Variants in MELK observed in about 807,000 individuals in gnomAD.
The protein encoded by MELK is maternal embryonic leucine zipper kinase, also known as pEg3 kinase.
In MELK, 81 loss-of-function variants were observed where a neutral mutation model predicts 85.0. The observed-to-expected ratio is 0.95, with a 90% CI of 0.80 to 1.15. The LOEUF is 1.15. Among genes scored for constraint, MELK ranks in the 50% most tolerant of loss-of-function variants. The pLI is 0.00. For missense variants in MELK, 754 were observed against 777.5 expected (o/e 0.97, Z 0.36); for synonymous variants, 252 against 265.0 (o/e 0.95, Z 0.48).
intron 17 of MELK, 25 bp from the exon 18 acceptor site, chr9:36,677,135 T>G: frequency 1.9e-6 from 3 of 1,602,028 alleles, no homozygotes; most frequent in Non-Finnish European, 2.6e-6. Flanking sequence ...TCCTACTAAC[T>G]AGCTTCTTAT....
At chr9:36,635,509 CT>C (rs1258955084) in intron 10 of MELK, among the ~76,000 whole-genome samples, 1 of 152,080 alleles carries the variant, frequency 6.6e-6, no homozygotes, top group African/African-American at 2.4e-5. Context: ...GGTGGTCCGC[CT>C]GCCTTGGCCT....
At chr9:36,630,590 A>G (rs1462938099) in intron 9 of MELK, among the ~76,000 whole-genome samples, 1 of 152,054 alleles carries the variant, frequency 6.6e-6, no homozygotes, top group Non-Finnish European at 1.5e-5. Flanking sequence ...TACTTTGCGA[A>G]TTTTCTGTTT....
intron 8 of MELK, among the ~76,000 whole-genome samples, chr9:36,619,829 C>T (rs1196693979): frequency 6.6e-6 from 1 of 152,180 alleles, no homozygotes; most frequent in Non-Finnish European, 1.5e-5. Context: ...TTCTCTACTT[C>T]CTTGTTTCCC....
At chr9:36,629,327 A>G (rs1339929187) in intron 8 of MELK, among the ~76,000 whole-genome samples, 1 of 152,172 alleles carries the variant, frequency 6.6e-6, no homozygotes, top group Non-Finnish European at 1.5e-5. Flanking sequence ...CTGAATTGGG[A>G]AAGAGGATGT....
chr9:36,626,993 G>T (rs1827994477), intron 8 of MELK, among the ~76,000 whole-genome samples: 1 of 148,146 alleles, frequency 6.8e-6, no homozygotes, highest in Admixed American at 6.8e-5. Flanking sequence ...AAAAGAAGTA[G>T]CAGCCTGACC....
At chr9:36,614,386 C>A (rs1587434469) in intron 8 of MELK, among the ~76,000 whole-genome samples, 1 of 147,118 alleles carries the variant, frequency 6.8e-6, no homozygotes, top group African/African-American at 2.5e-5. Context: ...TGAGCCACTG[C>A]TTCTGGCCTG....
chr9:36,604,014 GGCTGGAGT>G (rs1312805085), intron 7 of MELK, among the ~76,000 whole-genome samples: 1 of 151,954 alleles, frequency 6.6e-6, no homozygotes, highest in Non-Finnish European at 1.5e-5. Flanking sequence ...TTGTTGCCCA[GGCTGGAGT>G]GCAATGGTGT....
chr9:36,643,666 G>C (rs1262665496), intron 11 of MELK, among the ~76,000 whole-genome samples: 4 of 152,114 alleles, frequency 2.6e-5, no homozygotes, highest in Non-Finnish European at 4.4e-5. Context: ...CGGGCACGGT[G>C]GCTCACGCCT....
At chr9:36,573,942 C>G (rs1343251144) in intron 1 of MELK, among the ~76,000 whole-genome samples, 1 of 151,918 alleles carries the variant, frequency 6.6e-6, no homozygotes, top group Non-Finnish European at 1.5e-5. Context: ...GGAATCAGGT[C>G]CCTAGCACTT....
At chr9:36,619,707 G>A (rs1827212114) in intron 8 of MELK, among the ~76,000 whole-genome samples, 1 of 152,216 alleles carries the variant, frequency 6.6e-6, no homozygotes, top group African/African-American at 2.4e-5. Context: ...CCAGGTCTAA[G>A]TGTCTGTAGG....
intron 6 of MELK, 91 bp downstream of exon 6, chr9:36,597,381 T>C (rs952308596): frequency 1.8e-5 from 21 of 1,158,690 alleles, no homozygotes; most frequent in Non-Finnish European, 2.5e-5. Context: ...TTATTCTTTA[T>C]TGAGCTTGGT....
intron 10 of MELK, among the ~76,000 whole-genome samples, chr9:36,635,934 C>A (rs1478227169): frequency 6.6e-6 from 1 of 151,194 alleles, no homozygotes; most frequent in Non-Finnish European, 1.5e-5. Context: ...GTAGCTGGGA[C>A]TACAGGCATG....
At position 36,657,308 on chromosome 9, in the gene MELK, A is replaced by G. The variant is rs761054743; in HGVS notation, c.1121A>G (p.Tyr374Cys). 5.0e-6 allele frequency: 8 copies of G among 1,613,658 alleles called. No individual in the cohort carries two copies. Among genetic ancestry groups the G allele is most frequent in the Middle Eastern group, 1.6e-4 (1 of 6,062 alleles). Residue 374 changes from tyrosine to cysteine, a missense_variant, in exon 13 of 18, where the codon TAT (tyrosine) becomes TGT (cysteine). Transcript: ENST00000298048. Reference sequence around the variant, plus strand: ...AATTATGTGGCGGGATTAATAGACTATGATTGGTGTGAAGATGATTTATCA... The same window carrying G: ...AATTATGTGGCGGGATTAATAGACTGTGATTGGTGTGAAGATGATTTATCA... ...DKNYVAGLID[Y>C]DWCEDDLSTG... is the part of the protein sequence containing the mutation.
intron 7 of MELK, among the ~76,000 whole-genome samples, chr9:36,606,448 T>A (rs753700809): frequency 2.3e-5 from 3 of 127,870 alleles, no homozygotes; most frequent in Admixed American, 7.6e-5. Context: ...GTATATAATA[T>A]ATACATATGT....
At chr9:36,642,514 C>G (rs373677772) in intron 10 of MELK, among the ~76,000 whole-genome samples, 4 of 150,586 alleles carry the variant, frequency 2.7e-5, no homozygotes, top group African/African-American at 7.4e-5. Flanking sequence ...CTGCAGCCTC[C>G]GCCTCCTGGG....
intron 11 of MELK, among the ~76,000 whole-genome samples, chr9:36,650,660 C>T (rs72733440): frequency 0.013 from 2,010 of 152,314 alleles, 32 homozygotes; most frequent in Admixed American, 0.033. Flanking sequence ...ATGCATGCGC[C>T]CTCAGGAAGT....
intron 9 of MELK, among the ~76,000 whole-genome samples, chr9:36,631,693 G>T (rs1190793066): frequency 6.6e-6 from 1 of 152,042 alleles, no homozygotes; most frequent in African/African-American, 2.4e-5. Flanking sequence ...TTCTACTTCA[G>T]CCTCCCAAGT....
chr9:36,645,784 C>T (rs988058366), intron 11 of MELK, among the ~76,000 whole-genome samples: 1 of 152,162 alleles, frequency 6.6e-6, no homozygotes, highest in Non-Finnish European at 1.5e-5. Context: ...CAGCCAGAGT[C>T]GAGAAGCAGT....
chr9:36,671,153 C>T lies in MELK; in HGVS notation c.1661C>T (p.Pro554Leu). 1.3e-6 allele frequency: 2 copies of T among 1,598,244 alleles called. No homozygotes were observed. The highest frequency in any genetic ancestry group is 8.5e-7 in the Non-Finnish European group (1 of 1,172,648). Residue 554 changes from proline (P) to leucine (L), a missense_variant, in exon 16 of 18, where the codon CCC (proline) becomes CTC (leucine). Physicochemically the swap from Pro to Leu is moderately conservative, Grantham distance 98. Transcript: ENST00000298048. ...AGGAAGGGTTCTGCCAGAGACGGGC[C>T]CAGAAGACTAAAGGTAAGCAGGCTG... ...SKRKGSARDG[P>L]RRLKLHYNVT...
Sources: gnomAD v4.1 joint callset for allele counts (sites outside exome capture counted in the v4.1 genomes callset) on GRCh38, gnomAD v4.1.1 for gene constraint, MANE v1.5 for transcripts, NCBI Gene and HGNC (gene_info 2026-07-23, HGNC 2026-07-21) for gene names.